Variants in KALRN observed in about 807,000 individuals in gnomAD.
KALRN encodes kalirin.
In KALRN, 70 loss-of-function variants were observed where a neutral mutation model predicts 353.7. The ratio of observed to expected loss-of-function variants is 0.20; its 90% CI spans 0.16 to 0.24. The LOEUF (loss-of-function observed/expected upper bound fraction) is 0.24. Among genes scored for constraint, KALRN ranks in the 10% least tolerant of loss-of-function variants. The pLI, the probability that KALRN is intolerant of heterozygous loss-of-function variation, is 1.00. For missense variants in KALRN, 2,791 were observed against 3,756.7 expected (o/e 0.74, Z 6.72); for synonymous variants, 1,391 against 1,434.8 (o/e 0.97, Z 0.69).
rs2042649842 is a variant in KALRN at position 124,069,339 on chromosome 3, AG to A, written c.73+35528del. Among the ~76,000 whole-genome samples the A allele has an allele frequency of 1.7e-4, 21 of 126,708 alleles. 1 individual carries two copies. The highest frequency in any genetic ancestry group is 4.4e-4 in the East Asian group (2 of 4,534). The allele number at this position is 126,708 out of a possible 152,430, so 83.1% of individuals were successfully genotyped here. ...GAGGAGGAGGAGGAGGAGGAGGAGG[AG>A]GAGGAGGAGGAGGAGGAGGAGGAGG... is the stretch of plus-strand genomic sequence containing the variant. On this transcript the variant is annotated intron_variant, in intron 1 of 59. Coordinates refer to ENST00000682506, the MANE Select transcript of KALRN (RefSeq NM_001388419.1).
At position 124,632,658 on chromosome 3, in the gene KALRN, C is replaced by T. The variant is rs150893477; in HGVS notation, c.5421C>T (p.Pro1807=). The part of the protein sequence containing the change: ...DGRKSFDLGS[P]KPGDETTPQG... ...GGAAGAGCTTTGACCTGGGATCTCC[C>T]AAGCCTGGGGATGAAACAACCCCTC... Residue 1807 remains proline, a synonymous_variant, in exon 35 of 60, where the codon CCC becomes CCT. Transcript: ENST00000682506. 50 of 1,614,054 alleles carry T rather than the reference C, an allele frequency of 3.1e-5. No homozygotes were observed. The African/African-American group carries it at 6.5e-4, about 21-fold the overall frequency.
chr3:124,422,240 C>T lies in KALRN; in HGVS notation c.2543-572C>T, dbSNP rs573891310. Among the ~76,000 whole-genome samples, 115 of 151,968 alleles carry T rather than the reference C, an allele frequency of 7.6e-4. 1 individual carries two copies. In the South Asian group the frequency reaches 0.011, roughly 15 times the overall value. ...TCTAACAGTGCCTTTTTTTAGAGGG[C>T]CTAAGTAGTTGGCTAATAAAATCAC... On this transcript the variant is annotated intron_variant, in intron 14 of 59. Coordinates refer to ENST00000682506, the MANE Select transcript of KALRN (RefSeq NM_001388419.1).
chr3:124,403,302 A>G (rs999640771), intron 13 of KALRN, among the ~76,000 whole-genome samples: 2 of 152,222 alleles, frequency 1.3e-5, no homozygotes, highest in African/African-American at 4.8e-5. Flanking sequence ...ACATATATGC[A>G]TATTTATATC....
intron 33 of KALRN, chr3:124,519,977 C>G (rs1254226642): frequency 1.6e-6 from 1 of 630,792 alleles, no homozygotes; most frequent in Non-Finnish European, 2.0e-6. Context: ...ATGCAATGAG[C>G]GTGTGTCCGG....
chr3:124,227,663 G>GTTTTTTTTTTTTTTTTTTT lies in KALRN; in HGVS notation c.74-303_74-285dup, dbSNP rs747087120. On this transcript the variant is annotated intron_variant, in intron 1 of 59. Coordinates refer to ENST00000682506, the MANE Select transcript of KALRN (RefSeq NM_001388419.1). ...CAAGTTGCTCAATAGCAACAGGGCT[G>GTTTTTTTTTTTTTTTTTTT]TTTTTTTTTTTTTTTTTTTTTTTTT... Among the ~76,000 whole-genome samples the GTTTTTTTTTTTTTTTTTTT allele has an allele frequency of 5.8e-5, 4 of 69,260 alleles. 1 individual carries two copies. The highest frequency in any genetic ancestry group is 1.2e-4 in the Non-Finnish European group (4 of 34,494). 45.4% of individuals were successfully genotyped at this position (69,260 alleles called of 152,430 possible).
chr3:124,078,488 G>T (rs1181146510), intron 1 of KALRN, among the ~76,000 whole-genome samples: 1 of 152,164 alleles, frequency 6.6e-6, no homozygotes, highest in Non-Finnish European at 1.5e-5. Flanking sequence ...TGGGGAAACA[G>T]GCTGGTAGAG....
intron 21 of KALRN, 118 bp from the exon 22 acceptor site, chr3:124,455,057 CAT>C: frequency 9.9e-7 from 1 of 1,010,774 alleles, no homozygotes; most frequent in South Asian, 1.6e-5. Flanking sequence ...AGCTGGGATA[CAT>C]ACCCAGGTAG....
At chr3:124,084,870 C>T (rs1416169339) in intron 1 of KALRN, among the ~76,000 whole-genome samples, 1 of 152,186 alleles carries the variant, frequency 6.6e-6, no homozygotes, top group Non-Finnish European at 1.5e-5. Context: ...TTACCTCAGA[C>T]CAGCAGTGCA....
chr3:124,084,557 A>C (rs2060707728), intron 1 of KALRN, among the ~76,000 whole-genome samples: 3 of 152,238 alleles, frequency 2.0e-5, no homozygotes, highest in African/African-American at 7.2e-5. Flanking sequence ...CAGTTTTAGC[A>C]CATCTGTCTC....
At chr3:124,090,730 C>T (rs752264425) in intron 1 of KALRN, among the ~76,000 whole-genome samples, 17 of 152,240 alleles carry the variant, frequency 1.1e-4, no homozygotes, top group African/African-American at 3.4e-4. Flanking sequence ...GAGGAGAGCA[C>T]GGACTGAAGC....
Position 124,093,588 on chromosome 3 carries a change from A to G in KALRN, c.73+59775A>G, listed in dbSNP as rs373689195. 5.3e-5 allele frequency among the ~76,000 whole-genome samples: 8 copies of G among 152,322 alleles called. No individual in the cohort carries two copies. In the South Asian group the frequency reaches 1.0e-3, roughly 20 times the overall value. On this transcript the variant is annotated intron_variant, in intron 1 of 59. Coordinates refer to ENST00000682506, the MANE Select transcript of KALRN (RefSeq NM_001388419.1). ...CCAGGGGCTGAGGTCTCTGCAGCTT[A>G]CTTTTCTCCTTGCCTTGAAAATAAC...
At chr3:124,077,667 T>C (rs771052842) in intron 1 of KALRN, among the ~76,000 whole-genome samples, 12 of 152,334 alleles carry the variant, frequency 7.9e-5, no homozygotes, top group Non-Finnish European at 1.3e-4. Flanking sequence ...ACATTGGTAC[T>C]ATTGCAATAG....
rs1207015953 is a variant in KALRN at position 124,033,379 on chromosome 3, G to GGCAGACGGGCGA, written c.-357_-346dup. On this transcript the variant is annotated 5_prime_UTR_variant, in exon 1 of 60. Transcript: ENST00000682506. The surrounding 1 kb of genome is among the most constrained non-coding windows in gnomAD (Gnocchi z 6.2). ...GGAGCAGGGCTGAACAATAGAGACA[G>GGCAGACGGGCGA]GCAGACGGGCGAGCAGGAGAGCCAG... Among the ~76,000 whole-genome samples the GGCAGACGGGCGA allele has an allele frequency of 6.6e-6, 1 of 151,898 alleles. No homozygotes were observed. The highest frequency in any genetic ancestry group is 1.5e-5 in the Non-Finnish European group (1 of 67,926).
rs748910350 is a variant in KALRN, at chr3:124,264,448, A to G, written c.264-50A>G. ...CGGGTGCTTTTTGACTGTGTACTCC[A>G]AAGTCTCAGCTACCCAGAGTGACCA... On this transcript the variant is annotated intron_variant, in intron 3 of 59. Transcript: ENST00000682506. 66 of 1,557,660 alleles carry G rather than the reference A, an allele frequency of 4.2e-5. 1 individual carries two copies. The South Asian group carries it at 6.4e-4, about 15-fold the overall frequency.
chr3:124,073,237 CTA>C (rs2060103850), intron 1 of KALRN, among the ~76,000 whole-genome samples: 1 of 152,180 alleles, frequency 6.6e-6, no homozygotes, highest in African/African-American at 2.4e-5. Flanking sequence ...CTGATCCAGT[CTA>C]GTTTCAGAGT....
chr3:124,391,574 G>A (rs1054443808), intron 11 of KALRN, among the ~76,000 whole-genome samples: 1 of 152,144 alleles, frequency 6.6e-6, no homozygotes, highest in African/African-American at 2.4e-5. Flanking sequence ...GTTCTTCAGC[G>A]CTAAATCGGA....
intron 57 of KALRN, among the ~76,000 whole-genome samples, chr3:124,702,481 A>T (rs186778535): frequency 6.6e-6 from 1 of 152,288 alleles, no homozygotes; most frequent in East Asian, 1.9e-4. Context: ...TAATGGAAAC[A>T]TGTTTTAATA....
intron 34 of KALRN, among the ~76,000 whole-genome samples, chr3:124,599,594 A>G (rs1223083375): frequency 2.0e-5 from 3 of 152,164 alleles, no homozygotes; most frequent in African/African-American, 7.2e-5. Context: ...CTGAGTCTGC[A>G]TGACCCTCTT....
At chr3:124,093,328 G>T (rs1480640360) in intron 1 of KALRN, among the ~76,000 whole-genome samples, 1 of 152,212 alleles carries the variant, frequency 6.6e-6, no homozygotes, top group East Asian at 1.9e-4. Context: ...AGGACAGTGA[G>T]AAGGCATTGC....
Sources: allele counts gnomAD v4.1 joint callset (sites outside exome capture counted in the v4.1 genomes callset), GRCh38; gene constraint gnomAD v4.1.1; non-coding constraint Gnocchi (gnomAD v3.1); transcripts MANE v1.5; gene names NCBI Gene and HGNC (gene_info 2026-07-23, HGNC 2026-07-21).